ANK2: variants seen among roughly 807,000 people sequenced by gnomAD.
ANK2 encodes the protein ankyrin-2.
A neutral mutation model predicts 360.5 loss-of-function variants in ANK2; 83 were observed. The ratio of observed to expected loss-of-function variants is 0.23; its 90% CI spans 0.19 to 0.28. ANK2 has a LOEUF of 0.28. ANK2 is among the 10% of genes least tolerant of loss of function. ANK2 has a pLI of 1.00. For synonymous variants in ANK2, 1,740 were observed against 1,759.5 expected, an observed-to-expected ratio of 0.99 and a Z score of 0.28; for missense variants, 4,201 against 4,795.7, an observed-to-expected ratio of 0.88 and a Z score of 3.66.
chr4:113,287,693 C>A lies in ANK2; in HGVS notation c.2168C>A (p.Ala723Asp). The change falls in exon 19 of 46, where the codon GCT (alanine) becomes GAT (aspartate). Residue 723 changes from alanine to aspartate, a missense_variant. Around this residue, in one of 4 missense-constraint regions of ANK2, gnomAD observed 1,268 missense variants for 1,650.8 expected, o/e 0.77. Coordinates refer to ENST00000357077, the MANE Select transcript of ANK2 (RefSeq NM_001148.6). ...ACCAAGCATGGAGCTGATCAGGATG[C>A]TCATACAAAGGTAAAGCAAATCACT... ...ILTKHGADQDAHTKLGYTPLI... is the reference protein window; with the variant it reads ...ILTKHGADQDDHTKLGYTPLI... 1 of 1,609,734 alleles carries A rather than the reference C, an allele frequency of 6.2e-7. No homozygotes were observed. Among genetic ancestry groups the A allele is most frequent in the Non-Finnish European group, 8.5e-7 (1 of 1,176,164 alleles).
chr4:112,795,801 A>AT, the ANK2 span, among the ~76,000 whole-genome samples: 15,704 of 137,722 alleles, frequency 0.11, 1,526 homozygotes, highest in African/African-American at 0.26. Flanking sequence ...TGTGCCCAGC[A>AT]TTTTTTTTTT....
intron 2 of ANK2, among the ~76,000 whole-genome samples, chr4:112,965,257 G>A (rs2154262943): frequency 6.6e-6 from 1 of 152,252 alleles, no homozygotes; most frequent in South Asian, 2.1e-4. Flanking sequence ...GATCAATGAT[G>A]TTGCACACCT....
the ANK2 span, among the ~76,000 whole-genome samples, chr4:112,742,729 CTT>C: frequency 4.2e-5 from 6 of 144,520 alleles, no homozygotes; most frequent in Admixed American, 7.0e-5. Flanking sequence ...TCCACATCTT[CTT>C]TTTTTTTTTT....
chr4:113,295,258 C>T (rs2070555869), intron 22 of ANK2, among the ~76,000 whole-genome samples: 1 of 152,172 alleles, frequency 6.6e-6, no homozygotes, highest in African/African-American at 2.4e-5. Context: ...CCACCAGCAA[C>T]TTCAGTGTCA....
rs1194139877 is a variant in ANK2, at chr4:113,354,115, C to T, written c.5497C>T (p.Leu1833Phe). The T allele has an allele frequency of 6.2e-7, 1 of 1,614,056 alleles. No individual in the cohort carries two copies. The highest frequency in any genetic ancestry group is 1.3e-5 in the African/African-American group (1 of 74,932). ...CCCTAAAACAGAAAGACACTCTACT[C>T]TTTCCTCTTCCGCAAAAACTGAAAG... ...PSPKTERHSTLSSSAKTERHP... is the reference protein window; with the variant it reads ...PSPKTERHSTFSSSAKTERHP... The change falls in exon 38 of 46, where the codon CTT becomes TTT. Residue 1833 changes from leucine (L) to phenylalanine (F), a missense_variant. By Grantham distance (22) the Leu-to-Phe change is conservative. Coordinates refer to ENST00000357077, the MANE Select transcript of ANK2 (RefSeq NM_001148.6).
At chr4:112,883,504 A>G (rs548492996) in intron 1 of ANK2, among the ~76,000 whole-genome samples, 5 of 152,174 alleles carry the variant, frequency 3.3e-5, no homozygotes, top group Non-Finnish European at 7.3e-5. Context: ...TTCTATGAAA[A>G]ATGGAATGTT....
intron 23 of ANK2, 61 bp downstream of exon 23, chr4:113,302,900 C>A: frequency 7.0e-7 from 1 of 1,429,332 alleles, no homozygotes; most frequent in Non-Finnish European, 9.7e-7. Context: ...GGCAAATTAC[C>A]CTTTTTTTCA....
the ANK2 span, among the ~76,000 whole-genome samples, chr4:112,810,478 T>A: frequency 1.3e-5 from 2 of 152,158 alleles, no homozygotes; most frequent in Non-Finnish European, 2.9e-5. Flanking sequence ...ACCTGCATGA[T>A]TCTTAATATG....
chr4:113,244,612 AC>A (rs965556191), intron 9 of ANK2, among the ~76,000 whole-genome samples: 26 of 152,262 alleles, frequency 1.7e-4, no homozygotes, highest in African/African-American at 6.3e-4. Flanking sequence ...GAATGGTTGC[AC>A]TGAACATTTT....
intron 2 of ANK2, among the ~76,000 whole-genome samples, chr4:112,999,694 C>G (rs2049930261): frequency 6.6e-6 from 1 of 151,784 alleles, no homozygotes. Context: ...CCCAAAGAGG[C>G]CCATATTCTC....
intron 1 of ANK2, among the ~76,000 whole-genome samples, chr4:112,845,273 A>G (rs555471461): frequency 8.8e-4 from 134 of 151,766 alleles, no homozygotes; most frequent in Non-Finnish European, 1.6e-3. Flanking sequence ...AGTATAATCA[A>G]TTTTCTGAGG....
intron 24 of ANK2, among the ~76,000 whole-genome samples, chr4:113,316,848 T>C (rs558191536): frequency 4.6e-5 from 7 of 152,376 alleles, no homozygotes; most frequent in Admixed American, 2.6e-4. Context: ...AAAAATGTAA[T>C]GCATGGTTTA....
At chr4:113,181,067 A>G (rs181813840) in intron 2 of ANK2, among the ~76,000 whole-genome samples, 298 of 152,348 alleles carry the variant, frequency 2.0e-3, no homozygotes, top group African/African-American at 5.3e-3. Flanking sequence ...TGCTCAATGT[A>G]AAGTAAATCC....
chr4:112,789,867 A>G, the ANK2 span, among the ~76,000 whole-genome samples: 1 of 152,248 alleles, frequency 6.6e-6, no homozygotes, highest in Non-Finnish European at 1.5e-5. Flanking sequence ...AAACTAAACC[A>G]AAACGAAATA....
Position 113,249,790 on chromosome 4 carries a change from T to C in ANK2, c.918T>C (p.Ala306=), listed in dbSNP as rs1256534248. The change falls in exon 10 of 46, where the codon GCT becomes GCC. Residue 306 remains alanine, a synonymous_variant. Coordinates refer to ENST00000357077, the MANE Select transcript of ANK2 (RefSeq NM_001148.6). ...TRDGLTPLHC[A]ARSGHDQVVE... ...ATGGGTTGACACCACTTCACTGTGC[T>C]GCACGAAGTGGGCATGACCAAGTGG... 4 of 1,614,214 alleles carry C rather than the reference T, an allele frequency of 2.5e-6. No individual in the cohort carries two copies. Among genetic ancestry groups the C allele is most frequent in the Non-Finnish European group, 2.5e-6 (3 of 1,180,042 alleles).
intron 1 of ANK2, among the ~76,000 whole-genome samples, chr4:113,171,410 G>A (rs2097944386): frequency 6.6e-6 from 1 of 152,008 alleles, no homozygotes; most frequent in South Asian, 2.1e-4. Flanking sequence ...ATATAAATTT[G>A]GGCTTCAATA....
intron 1 of ANK2, among the ~76,000 whole-genome samples, chr4:112,856,291 G>A (rs143973967): frequency 1.0e-3 from 159 of 152,146 alleles, no homozygotes; most frequent in African/African-American, 3.7e-3. Flanking sequence ...TTCAGGAGAG[G>A]GAGTCGCACC....
chr4:112,786,568 T>C, the ANK2 span, among the ~76,000 whole-genome samples: 10 of 151,702 alleles, frequency 6.6e-5, no homozygotes, highest in South Asian at 1.5e-3. Context: ...AGCTAGTTTT[T>C]GTATTTTTAG....
At chr4:112,736,862 A>G in the ANK2 span, among the ~76,000 whole-genome samples, 1 of 152,240 alleles carries the variant, frequency 6.6e-6, no homozygotes, top group Non-Finnish European at 1.5e-5. Flanking sequence ...CTGGAGAGAA[A>G]AAGAATGGAA....
Sources: allele counts gnomAD v4.1 joint callset (sites outside exome capture counted in the v4.1 genomes callset), GRCh38; gene constraint gnomAD v4.1.1; regional missense constraint gnomAD v4.1.1; transcripts MANE v1.5; gene names NCBI Gene and HGNC (gene_info 2026-07-23, HGNC 2026-07-21).